LPP: variants seen among roughly 807,000 people sequenced by gnomAD.
LPP encodes the protein lipoma-preferred partner.
In LPP, 38 loss-of-function variants were observed where a neutral mutation model predicts 60.4. The ratio of observed to expected loss-of-function variants is 0.63; its 90% confidence interval spans 0.49 to 0.83. The LOEUF is 0.83. Among genes scored for constraint, LPP ranks in the 40% least tolerant of loss-of-function variants. LPP has a pLI of 0.00. For missense variants in LPP, 902 were observed against 783.6 expected (o/e 1.15, Z -1.80); for synonymous variants, 328 against 290.8 (o/e 1.13, Z -1.30).
At chr3:188,750,610 G>T (rs1467652690) in intron 8 of LPP, among the ~76,000 whole-genome samples, 1 of 152,088 alleles carries the variant, frequency 6.6e-6, no homozygotes, top group Admixed American at 6.6e-5. Flanking sequence ...TCCAACCTGG[G>T]CAACCGAGTG....
chr3:188,295,369 A>G (rs771446712), intron 2 of LPP, among the ~76,000 whole-genome samples: 6 of 152,208 alleles, frequency 3.9e-5, no homozygotes, highest in Non-Finnish European at 7.3e-5. Context: ...AATTCTAACA[A>G]TCCTCAGGGC....
intron 2 of LPP, among the ~76,000 whole-genome samples, chr3:188,312,599 T>A (rs981752525): frequency 3.2e-4 from 48 of 152,206 alleles, no homozygotes; most frequent in Non-Finnish European, 7.4e-5. Flanking sequence ...CTTTCTCAAA[T>A]CTTTGAACCA....
At chr3:188,402,827 C>A (rs915494596) in intron 3 of LPP, among the ~76,000 whole-genome samples, 9 of 152,010 alleles carry the variant, frequency 5.9e-5, no homozygotes, top group African/African-American at 2.2e-4. Context: ...TACTAAAGAG[C>A]CTAGAAAAAG....
At chr3:188,361,805 T>C (rs1349776551) in intron 3 of LPP, among the ~76,000 whole-genome samples, 1 of 152,140 alleles carries the variant, frequency 6.6e-6, no homozygotes, top group African/African-American at 2.4e-5. Context: ...TGACCTCAAA[T>C]GATTTGCCCA....
intron 2 of LPP, among the ~76,000 whole-genome samples, chr3:188,277,868 C>G (rs1255882626): frequency 6.6e-6 from 1 of 152,166 alleles, no homozygotes; most frequent in Non-Finnish European, 1.5e-5. Context: ...CCATCCCTGG[C>G]TATTGTCATT....
At chr3:188,193,074 C>T (rs1728613005) in intron 1 of LPP, among the ~76,000 whole-genome samples, 2 of 152,140 alleles carry the variant, frequency 1.3e-5, no homozygotes, top group Admixed American at 1.3e-4. Flanking sequence ...GCTGTTGTGA[C>T]AGGGCTTTCT....
chr3:188,291,989 A>G (rs1315689155), intron 2 of LPP, among the ~76,000 whole-genome samples: 2 of 152,222 alleles, frequency 1.3e-5, no homozygotes, highest in African/African-American at 4.8e-5. Flanking sequence ...AAAAATGCCC[A>G]TTTTAATTTT....
At chr3:188,645,741 T>G (rs539859914) in intron 7 of LPP, among the ~76,000 whole-genome samples, 1 of 152,138 alleles carries the variant, frequency 6.6e-6, no homozygotes, top group South Asian at 2.1e-4. Flanking sequence ...ATAAGAAAAT[T>G]TTTATATACT....
At chr3:188,205,085 T>C (rs1379113524) in intron 1 of LPP, among the ~76,000 whole-genome samples, 1 of 152,090 alleles carries the variant, frequency 6.6e-6, no homozygotes, top group Non-Finnish European at 1.5e-5. Flanking sequence ...TCTAGAAACA[T>C]TTATGGATGG....
intron 7 of LPP, among the ~76,000 whole-genome samples, chr3:188,651,667 A>C (rs527238470): frequency 7.6e-4 from 116 of 152,314 alleles, no homozygotes; most frequent in African/African-American, 2.7e-3. Flanking sequence ...AGACAAGAGA[A>C]GAGAGCTTGT....
At chr3:188,494,204 A>G (rs1342693865) in intron 5 of LPP, among the ~76,000 whole-genome samples, 1 of 152,178 alleles carries the variant, frequency 6.6e-6, no homozygotes, top group African/African-American at 2.4e-5. Flanking sequence ...AGCAAGGTTA[A>G]TCTGGGTCCT....
At chr3:188,409,845 G>A (rs979782017) in intron 4 of LPP, among the ~76,000 whole-genome samples, 1 of 152,184 alleles carries the variant, frequency 6.6e-6, no homozygotes, top group African/African-American at 2.4e-5. Flanking sequence ...TGACGTAAAT[G>A]TGAAAACTGC....
chr3:188,654,563 C>T (rs1203383304), intron 7 of LPP, among the ~76,000 whole-genome samples: 2 of 152,080 alleles, frequency 1.3e-5, no homozygotes, highest in Non-Finnish European at 2.9e-5. Flanking sequence ...TGCGTACACA[C>T]ATATACTCCA....
intron 9 of LPP, among the ~76,000 whole-genome samples, chr3:188,848,593 G>A (rs2151828874): frequency 6.6e-6 from 1 of 152,280 alleles, no homozygotes; most frequent in South Asian, 2.1e-4. Flanking sequence ...GTAGACATTT[G>A]GCATCATCTA....
chr3:188,626,239 A>G (rs544307739), intron 7 of LPP, among the ~76,000 whole-genome samples: 9 of 152,334 alleles, frequency 5.9e-5, no homozygotes, highest in Admixed American at 3.3e-4. Flanking sequence ...AACAAGTAAC[A>G]ATAAAATATT....
Position 188,884,720 on chromosome 3 carries a change from A to G in LPP, c.*10241A>G, listed in dbSNP as rs966171347. ...GATTCCTAAAAGAAGCCTCTCTCCC[A>G]TGAACCACGATGTACGTTCCACAGA... On this transcript the variant is annotated 3_prime_UTR_variant, in exon 12 of 12. Transcript: ENST00000617246. 5.3e-5 allele frequency: 12 copies of G among 226,666 alleles called. No individual in the cohort carries two copies. The East Asian group carries it at 6.3e-4, about 12-fold the overall frequency. 14.0% of individuals were successfully genotyped at this position (226,666 alleles called of 1,614,324 possible).
chr3:188,739,351 A>G (rs1723620506), intron 8 of LPP, among the ~76,000 whole-genome samples: 1 of 152,078 alleles, frequency 6.6e-6, no homozygotes, highest in Admixed American at 6.6e-5. Context: ...AGAAGATAGC[A>G]TTTGAAATGG....
At chr3:188,297,240 G>A (rs1328786362) in intron 2 of LPP, among the ~76,000 whole-genome samples, 2 of 152,146 alleles carry the variant, frequency 1.3e-5, no homozygotes, top group Admixed American at 6.5e-5. Flanking sequence ...CACTGCCAAG[G>A]TCCATAGTGC....
chr3:188,468,448 C>G (rs143602006), intron 4 of LPP, among the ~76,000 whole-genome samples: 2 of 152,136 alleles, frequency 1.3e-5, no homozygotes, highest in Non-Finnish European at 2.9e-5. Context: ...AGGAGGTGGT[C>G]TGGATTTGGC....
Sources: allele counts gnomAD v4.1 joint callset (sites outside exome capture counted in the v4.1 genomes callset), GRCh38; gene constraint gnomAD v4.1.1; transcripts MANE v1.5; gene names NCBI Gene and HGNC (gene_info 2026-07-23, HGNC 2026-07-21).